Variants in BANP observed in about 807,000 individuals in gnomAD.
BANP encodes BTG3 associated nuclear protein, also known as protein BANP.
A neutral mutation model predicts 68.1 loss-of-function variants in BANP; 11 were observed. That is an observed-to-expected ratio of 0.16 (90% CI 0.10 to 0.27). BANP has a LOEUF of 0.27. Ranked by LOEUF, BANP falls within the 10% of genes least tolerant of loss-of-function variation. BANP has a pLI of 1.00. For missense variants in BANP, 504 were observed against 722.7 expected (o/e 0.70, Z 3.47); for synonymous variants, 329 against 303.2 (o/e 1.09, Z -0.88).
chr16:87,987,154 C>A (rs1280820924), intron 4 of BANP, among the ~76,000 whole-genome samples: 2 of 152,198 alleles, frequency 1.3e-5, no homozygotes, highest in African/African-American at 4.8e-5. Context: ...TCTTGGCTCA[C>A]TGCAACCTCT....
At chr16:87,958,126 C>T (rs562574271) in intron 1 of BANP, among the ~76,000 whole-genome samples, 1 of 152,330 alleles carries the variant, frequency 6.6e-6, no homozygotes, top group Admixed American at 6.5e-5. Flanking sequence ...ATTTCTGGCT[C>T]TCCTCTTTGT....
In BANP at chr16:88,036,771, C is replaced by T. The variant is rs2079469361; in HGVS notation, c.1273-1202C>T. ...TGGAAGGAAGCAGCAGGGCGGGGAGCAGGTAGGGGACGGTCCCAGGAGGCC... is the reference window on the plus strand; with the variant it reads ...TGGAAGGAAGCAGCAGGGCGGGGAGTAGGTAGGGGACGGTCCCAGGAGGCC... On this transcript the variant is annotated intron_variant, in intron 10 of 13. Transcript: ENST00000682872. The surrounding 1 kb of genome is among the most constrained non-coding windows in gnomAD (Gnocchi z 4.2). 6.6e-6 allele frequency among the ~76,000 whole-genome samples: 1 copy of T among 152,130 alleles called. No homozygotes were observed. Among genetic ancestry groups the T allele is most frequent in the African/African-American group, 2.4e-5 (1 of 41,430 alleles).
chr16:87,996,709 C>G (rs1303119240), intron 4 of BANP, among the ~76,000 whole-genome samples: 1 of 151,778 alleles, frequency 6.6e-6, no homozygotes, highest in African/African-American at 2.4e-5. Flanking sequence ...GGGCTCTGGT[C>G]CTCAGCGTTG....
chr16:88,028,730 A>C (rs1286528406), intron 8 of BANP, among the ~76,000 whole-genome samples: 2 of 152,206 alleles, frequency 1.3e-5, no homozygotes, highest in Non-Finnish European at 2.9e-5. Context: ...TGGCTATTGA[A>C]ATGCGGCTGT....
chr16:87,998,213 T>G (rs1318048894), intron 4 of BANP, among the ~76,000 whole-genome samples: 1 of 152,150 alleles, frequency 6.6e-6, no homozygotes, highest in Non-Finnish European at 1.5e-5. Context: ...AGGACCCCTG[T>G]ACAGGGGAAG....
intron 6 of BANP, among the ~76,000 whole-genome samples, chr16:88,008,773 CATA>C (rs1201379749): frequency 2.0e-5 from 3 of 152,194 alleles, no homozygotes; most frequent in Non-Finnish European, 4.4e-5. Context: ...TCTCATCAAA[CATA>C]ATTTTGCTGT....
At chr16:87,951,805 G>T (rs2056935330) in intron 1 of BANP, among the ~76,000 whole-genome samples, 1 of 151,902 alleles carries the variant, frequency 6.6e-6, no homozygotes, top group African/African-American at 2.4e-5. Context: ...GGGGCCTCGC[G>T]CTCCCGACCT....
intron 11 of BANP, among the ~76,000 whole-genome samples, chr16:88,042,556 G>A (rs1265196230): frequency 1.3e-5 from 2 of 152,236 alleles, no homozygotes; most frequent in East Asian, 1.9e-4. Flanking sequence ...TTCCAGCATC[G>A]CTGGCTGGGA....
At chr16:88,006,320 T>C in intron 6 of BANP, 55 bp downstream of exon 6, 1 of 1,521,688 alleles carries the variant, frequency 6.6e-7, no homozygotes, top group East Asian at 2.3e-5. Flanking sequence ...GTTTGTTTGT[T>C]TTGCCTTTTA....
At chr16:88,007,552 G>A (rs1050503973) in intron 6 of BANP, among the ~76,000 whole-genome samples, 17 of 152,206 alleles carry the variant, frequency 1.1e-4, no homozygotes, top group African/African-American at 3.9e-4. Context: ...TGACTACAGC[G>A]TGGAGAAAAG....
At chr16:88,046,388 A>G (rs58397994) in intron 11 of BANP, among the ~76,000 whole-genome samples, 41,253 of 152,074 alleles carry the variant, frequency 0.27, 7,434 homozygotes, top group African/African-American at 0.52. Flanking sequence ...CAATCTGACT[A>G]CAAAGTTCAT....
chr16:87,988,817 G>A (rs1337975666), intron 4 of BANP, among the ~76,000 whole-genome samples: 1 of 152,150 alleles, frequency 6.6e-6, no homozygotes, highest in African/African-American at 2.4e-5. Flanking sequence ...TGTTTAGAGC[G>A]GCTGCATCTG....
chr16:88,042,579 G>A (rs929784208), intron 11 of BANP, among the ~76,000 whole-genome samples: 3 of 152,218 alleles, frequency 2.0e-5, no homozygotes, highest in African/African-American at 4.8e-5. Flanking sequence ...GGGAAGAGAA[G>A]GTGAAGGGCT....
intron 8 of BANP, among the ~76,000 whole-genome samples, chr16:88,031,049 A>G (rs2078063191): frequency 6.6e-6 from 1 of 152,154 alleles, no homozygotes; most frequent in Admixed American, 6.5e-5. Context: ...CCCAGCTGGG[A>G]TTTTGTCATT....
chr16:88,037,919 G>T (rs1219031016), intron 10 of BANP, 54 bp from the exon 11 acceptor site: 2 of 1,557,002 alleles, frequency 1.3e-6, no homozygotes, highest in Admixed American at 3.3e-5. Flanking sequence ...CCGTGTCTGA[G>T]GGTGTCTTGG....
At chr16:88,025,210 T>C (rs563639240) in intron 7 of BANP, among the ~76,000 whole-genome samples, 15 of 152,344 alleles carry the variant, frequency 9.8e-5, no homozygotes, top group Admixed American at 4.6e-4. Context: ...ATGAAACTAT[T>C]GAAGTGCAGT....
rs375728784 is a variant in BANP, at chr16:88,006,600, C to T, written c.655+335C>T. 7.9e-4 allele frequency among the ~76,000 whole-genome samples: 116 copies of T among 146,956 alleles called. No individual in the cohort carries two copies. In the South Asian group the frequency reaches 0.023, roughly 29 times the overall value. ...GGTGGAGGTTGCGGTGAACCGAGATCATGCCATTGCATCCAGCCTGGGCAA... is the reference window on the plus strand; with the variant it reads ...GGTGGAGGTTGCGGTGAACCGAGATTATGCCATTGCATCCAGCCTGGGCAA... On this transcript the variant is annotated intron_variant, in intron 6 of 13. Coordinates refer to ENST00000682872, the MANE Select transcript of BANP (RefSeq NM_001386991.1).
Position 88,071,274 on chromosome 16 carries a change from C to T in BANP, c.1378-795C>T. 1 of 360,218 alleles carries T rather than the reference C, an allele frequency of 2.8e-6. No individual in the cohort carries two copies. Among genetic ancestry groups the T allele is most frequent in the Non-Finnish European group, 5.5e-6 (1 of 182,682 alleles). The allele number at this position is 360,218 out of a possible 1,614,324, so 22.3% of individuals were successfully genotyped here. A position where few individuals can be genotyped will look rare whatever the true frequency, so the allele number is the denominator to read the frequency against. ...AAGACCCCGTGGCTCATGTCAAGTG[C>T]CCTCAGGGCTGGGGCTGCCCACCCG... On this transcript the variant is annotated intron_variant, in intron 12 of 13. Transcript: ENST00000682872. This position sits in a 1 kb window ranked among gnomAD's most constrained non-coding sequence, Gnocchi z 6.5.
chr16:88,009,498 C>T (rs1297574265), intron 6 of BANP, among the ~76,000 whole-genome samples: 6 of 152,218 alleles, frequency 3.9e-5, no homozygotes, highest in African/African-American at 1.4e-4. Context: ...GTTTATTGTA[C>T]TGCAAAGATA....
Sources: gnomAD v4.1 joint callset for allele counts (sites outside exome capture counted in the v4.1 genomes callset) on GRCh38, gnomAD v4.1.1 for gene constraint, Gnocchi (gnomAD v3.1) non-coding constraint, MANE v1.5 for transcripts, NCBI Gene and HGNC (gene_info 2026-07-23, HGNC 2026-07-21) for gene names.